The following MALRD1 variants were observed in gnomAD, a reference collection of about 807,000 sequenced individuals.
The protein encoded by MALRD1 is MAM and LDL-receptor class A domain-containing protein 1.
Under a neutral mutation model 242.1 loss-of-function variants are expected in MALRD1, and 247 were observed. That is an observed-to-expected ratio of 1.02 (90% CI 0.92 to 1.13). The LOEUF is 1.13. Among genes scored for constraint, MALRD1 ranks in the 50% most tolerant of loss-of-function variants. The pLI is 0.00. For synonymous variants in MALRD1, 995 were observed against 866.6 expected (o/e 1.15, Z -2.60); for missense variants, 2,989 against 2,533.1 (o/e 1.18, Z -3.86).
chr10:19,085,760 C>A (rs1279998982), intron 2 of MALRD1, among the ~76,000 whole-genome samples: 1 of 151,800 alleles, frequency 6.6e-6, no homozygotes, highest in Non-Finnish European at 1.5e-5. Flanking sequence ...TGTGTCAAAT[C>A]TGATTTTTAA....
chr10:19,342,128 C>A (rs916023503), intron 24 of MALRD1, among the ~76,000 whole-genome samples: 1 of 151,956 alleles, frequency 6.6e-6, no homozygotes, highest in Non-Finnish European at 1.5e-5. Context: ...ATAGTAAGGT[C>A]GACGTTCCAT....
chr10:19,262,766 T>G (rs1311157353), intron 19 of MALRD1, among the ~76,000 whole-genome samples: 2 of 152,150 alleles, frequency 1.3e-5, no homozygotes, highest in African/African-American at 4.8e-5. Flanking sequence ...AACTGAAAAT[T>G]TGTACCATCT....
chr10:19,390,533 C>T (rs949720996), intron 28 of MALRD1, among the ~76,000 whole-genome samples: 2 of 152,170 alleles, frequency 1.3e-5, no homozygotes, highest in Non-Finnish European at 2.9e-5. Context: ...GGTCAAACAC[C>T]TTTACTCTTT....
At chr10:19,442,185 T>C (rs1834702570) in intron 28 of MALRD1, among the ~76,000 whole-genome samples, 1 of 152,230 alleles carries the variant, frequency 6.6e-6, no homozygotes, top group Non-Finnish European at 1.5e-5. Context: ...ATTGATTTTG[T>C]ACCCTGAGAT....
chr10:19,108,823 T>C (rs776058890), intron 5 of MALRD1, among the ~76,000 whole-genome samples: 10 of 152,202 alleles, frequency 6.6e-5, no homozygotes, highest in African/African-American at 9.6e-5. Context: ...ATTTCCATTT[T>C]GGGTGGGGGT....
chr10:19,527,608 T>A (rs972158474), intron 31 of MALRD1, among the ~76,000 whole-genome samples: 2 of 152,188 alleles, frequency 1.3e-5, no homozygotes, highest in Non-Finnish European at 2.9e-5. Flanking sequence ...ACATTAGTTA[T>A]CATTATACAT....
intron 28 of MALRD1, among the ~76,000 whole-genome samples, chr10:19,441,525 T>G (rs1003050511): frequency 6.6e-6 from 1 of 152,208 alleles, no homozygotes; most frequent in Non-Finnish European, 1.5e-5. Context: ...GTATAAGGTG[T>G]GAGGAAGGGC....
At chr10:19,564,644 C>T (rs1038039495) in intron 32 of MALRD1, among the ~76,000 whole-genome samples, 8 of 151,990 alleles carry the variant, frequency 5.3e-5, no homozygotes, top group African/African-American at 1.9e-4. Flanking sequence ...TTTTAGAAAG[C>T]TATTTCAAAT....
chr10:19,608,508 AT>A (rs903508778), intron 35 of MALRD1, among the ~76,000 whole-genome samples: 5 of 151,768 alleles, frequency 3.3e-5, no homozygotes, highest in Non-Finnish European at 7.4e-5. Flanking sequence ...TGAGTAGATG[AT>A]TTTTTTTATT....
intron 32 of MALRD1, among the ~76,000 whole-genome samples, chr10:19,532,747 G>GAGAA (rs10648277): frequency 0.8 from 121,353 of 151,690 alleles, 48,900 homozygotes; most frequent in Non-Finnish European, 0.85. Context: ...TCCTGACTCT[G>GAGAA]TGTCTGTTTT....
At chr10:19,478,682 G>A (rs1018398205) in intron 29 of MALRD1, among the ~76,000 whole-genome samples, 1 of 152,006 alleles carries the variant, frequency 6.6e-6, no homozygotes. Context: ...ACCCAATTCT[G>A]GTTTGTTTAC....
At chr10:19,393,527 G>C (rs1460071314) in intron 28 of MALRD1, among the ~76,000 whole-genome samples, 2 of 140,174 alleles carry the variant, frequency 1.4e-5, no homozygotes, top group African/African-American at 5.4e-5. Flanking sequence ...CTCACTGCAA[G>C]CTCCGTCTCC....
At chr10:19,118,143 C>T (rs181100618) in intron 5 of MALRD1, among the ~76,000 whole-genome samples, 1 of 152,238 alleles carries the variant, frequency 6.6e-6, no homozygotes. Flanking sequence ...AGTATGGTCA[C>T]ATTAAAACAT....
At chr10:19,463,594 A>G (rs1158836970) in intron 29 of MALRD1, among the ~76,000 whole-genome samples, 1 of 59,310 alleles carries the variant, frequency 1.7e-5, no homozygotes. Flanking sequence ...GTGTGTGTAT[A>G]TACTCTTTCT....
chr10:19,554,501 A>C (rs1427647396), intron 32 of MALRD1, among the ~76,000 whole-genome samples: 1 of 152,108 alleles, frequency 6.6e-6, no homozygotes, highest in African/African-American at 2.4e-5. Context: ...CCTAAGTATC[A>C]AGCCCAGCAT....
chr10:19,121,106 C>T (rs566635258), intron 5 of MALRD1, among the ~76,000 whole-genome samples: 41 of 133,014 alleles, frequency 3.1e-4, no homozygotes, highest in African/African-American at 1.1e-3. Context: ...TGCAGTGGTG[C>T]GATCTCGGCT....
At chr10:19,590,793 A>G (rs1837738484) in intron 33 of MALRD1, among the ~76,000 whole-genome samples, 1 of 152,046 alleles carries the variant, frequency 6.6e-6, no homozygotes, top group Non-Finnish European at 1.5e-5. Context: ...AATTTCCCAT[A>G]TACTCCCTGC....
chr10:19,610,832 G>A (rs146930989), intron 35 of MALRD1, among the ~76,000 whole-genome samples: 1 of 152,046 alleles, frequency 6.6e-6, no homozygotes, highest in African/African-American at 2.4e-5. Flanking sequence ...GCAAAATGAG[G>A]ATAATTATGG....
intron 23 of MALRD1, 70 bp from the exon 24 acceptor site, chr10:19,331,299 A>G: frequency 8.2e-7 from 1 of 1,214,324 alleles, no homozygotes; most frequent in Non-Finnish European, 1.2e-6. Flanking sequence ...GATGTGCTTG[A>G]TACTTAGTGT....
Sources: allele counts gnomAD v4.1 joint callset (sites outside exome capture counted in the v4.1 genomes callset), GRCh38; gene constraint gnomAD v4.1.1; transcripts MANE v1.5; gene names NCBI Gene and HGNC (gene_info 2026-07-23, HGNC 2026-07-21).